Variants in CTNNA2 observed in about 807,000 individuals in gnomAD.
CTNNA2 encodes catenin alpha 2.
In CTNNA2, 42 loss-of-function variants were observed where a neutral mutation model predicts 101.0. That is an observed-to-expected ratio of 0.42 (90% CI 0.32 to 0.54). The LOEUF (loss-of-function observed/expected upper bound fraction) is 0.54, where lower values mean the gene tolerates loss of function less well. CTNNA2 is among the 20% of genes least tolerant of loss of function. The pLI, the probability that CTNNA2 is intolerant of heterozygous loss-of-function variation, is 0.14. For synonymous variants in CTNNA2, 450 were observed against 456.4 expected, an observed-to-expected ratio of 0.99 and a Z score of 0.18; for missense variants, 871 against 1,223.1, an observed-to-expected ratio of 0.71 and a Z score of 4.29.
At chr2:80,615,610 T>C (rs1252640692) in intron 17 of CTNNA2, among the ~76,000 whole-genome samples, 1 of 151,668 alleles carries the variant, frequency 6.6e-6, no homozygotes, top group East Asian at 1.9e-4. Context: ...AGAGTATCTG[T>C]TGATGGCTAT....
At chr2:79,702,212 A>T (rs921692026) in intron 2 of CTNNA2, among the ~76,000 whole-genome samples, 1 of 146,056 alleles carries the variant, frequency 6.8e-6, no homozygotes, top group Admixed American at 6.6e-5. Context: ...CTGCTTTTGT[A>T]TGGCCTGCCT....
chr2:80,228,156 ACT>A (rs1444984177), intron 7 of CTNNA2, among the ~76,000 whole-genome samples: 1 of 152,216 alleles, frequency 6.6e-6, no homozygotes, highest in Non-Finnish European at 1.5e-5. Context: ...TGTCAGTAAG[ACT>A]GGCCATTGCC....
intron 12 of CTNNA2, among the ~76,000 whole-genome samples, chr2:80,570,080 G>A (rs188378962): frequency 3.0e-4 from 45 of 152,134 alleles, no homozygotes; most frequent in Middle Eastern, 3.4e-3. Flanking sequence ...ACGGAGTCTC[G>A]CTCTGTTGCC....
chr2:80,423,192 A>C (rs1034577706), intron 9 of CTNNA2, among the ~76,000 whole-genome samples: 1 of 151,876 alleles, frequency 6.6e-6, no homozygotes, highest in East Asian at 1.9e-4. Flanking sequence ...CTCTCTTTAT[A>C]GTTCTTTTTG....
chr2:79,234,315 G>C (rs958623208), intron 2 of CTNNA2, among the ~76,000 whole-genome samples: 1 of 152,100 alleles, frequency 6.6e-6, no homozygotes, highest in African/African-American at 2.4e-5. Context: ...GGTGAGGTAT[G>C]ATAGTCTTGG....
At chr2:80,170,636 G>A (rs1486002727) in intron 7 of CTNNA2, among the ~76,000 whole-genome samples, 1 of 152,160 alleles carries the variant, frequency 6.6e-6, no homozygotes, top group Non-Finnish European at 1.5e-5. Flanking sequence ...CACATAGTAA[G>A]TGCTAAGTTA....
rs189509792 is a variant in CTNNA2, at chr2:80,087,797, T to C, written c.1056+178000T>C. On this transcript the variant is annotated intron_variant, in intron 7 of 18. Transcript: ENST00000402739. ...GCTGGTTTACAGCCCCCTCTTGGAGTAGCAAGGGAGCTGTCATAATTCCAG... is the reference window on the plus strand; with the variant it reads ...GCTGGTTTACAGCCCCCTCTTGGAGCAGCAAGGGAGCTGTCATAATTCCAG... 1.6e-3 allele frequency among the ~76,000 whole-genome samples: 243 copies of C among 152,058 alleles called. 1 individual carries two copies. The highest frequency in any genetic ancestry group is 0.01 in the Middle Eastern group (3 of 294).
At chr2:79,383,943 G>A (rs1678069032) in intron 4 of CTNNA2, among the ~76,000 whole-genome samples, 9 of 152,174 alleles carry the variant, frequency 5.9e-5, no homozygotes, top group Admixed American at 5.9e-4. Context: ...AAATAGGACA[G>A]AGAGGGAAAG....
intron 4 of CTNNA2, among the ~76,000 whole-genome samples, chr2:79,425,166 T>G (rs1429452222): frequency 6.6e-6 from 1 of 152,080 alleles, no homozygotes; most frequent in Non-Finnish European, 1.5e-5. Flanking sequence ...GAAAGAAAAT[T>G]TTTAAATGAA....
intron 1 of CTNNA2, among the ~76,000 whole-genome samples, chr2:79,599,885 G>T (rs1677439341): frequency 6.6e-6 from 1 of 152,136 alleles, no homozygotes; most frequent in African/African-American, 2.4e-5. Context: ...AGAGATATTG[G>T]TTGAATTCCT....
At chr2:79,319,307 G>A (rs913404267) in intron 3 of CTNNA2, among the ~76,000 whole-genome samples, 1 of 152,162 alleles carries the variant, frequency 6.6e-6, no homozygotes, top group East Asian at 1.9e-4. Flanking sequence ...AAGAGTATGA[G>A]TGCATTACCT....
chr2:80,569,280 T>C (rs577036300), intron 12 of CTNNA2, among the ~76,000 whole-genome samples: 1 of 152,286 alleles, frequency 6.6e-6, no homozygotes, highest in South Asian at 2.1e-4. Context: ...ATTTCATTAC[T>C]CCTAGGGATA....
At position 79,768,706 on chromosome 2, in the gene CTNNA2, G is replaced by C. The variant is rs1169791663; in HGVS notation, c.298+24124G>C. Among the ~76,000 whole-genome samples, 5 of 151,926 alleles carry C rather than the reference G, an allele frequency of 3.3e-5. No homozygotes were observed. The South Asian group carries it at 1.0e-3, about 32-fold the overall frequency. On this transcript the variant is annotated intron_variant, in intron 3 of 18. Transcript: ENST00000402739. ...AATGTTTAGGAGACAATATTCATTA[G>C]TACTGTTTCTAGGGGATTTATTAAA... is the stretch of plus-strand genomic sequence containing the variant.
intron 9 of CTNNA2, among the ~76,000 whole-genome samples, chr2:80,514,428 T>G (rs905687425): frequency 1.3e-5 from 2 of 152,138 alleles, no homozygotes; most frequent in African/African-American, 4.8e-5. Context: ...TTGTCCTGTG[T>G]GGTGGCCGCC....
chr2:80,507,504 T>C (rs979920310), intron 9 of CTNNA2, among the ~76,000 whole-genome samples: 1 of 152,228 alleles, frequency 6.6e-6, no homozygotes, highest in Non-Finnish European at 1.5e-5. Context: ...CTTTTAATTT[T>C]ATATTTGTGT....
At chr2:79,748,111 C>T (rs1238938891) in intron 3 of CTNNA2, among the ~76,000 whole-genome samples, 6 of 152,208 alleles carry the variant, frequency 3.9e-5, no homozygotes, top group Admixed American at 3.3e-4. Context: ...TATCTCCATT[C>T]TTTCCATTCT....
chr2:80,636,814 C>T (rs1558666773), intron 18 of CTNNA2, among the ~76,000 whole-genome samples: 1 of 152,108 alleles, frequency 6.6e-6, no homozygotes, highest in Non-Finnish European at 1.5e-5. Flanking sequence ...ATCAATATTC[C>T]TTACCAAGTC....
intron 6 of CTNNA2, among the ~76,000 whole-genome samples, chr2:79,875,600 A>G (rs1040873471): frequency 1.3e-5 from 2 of 152,196 alleles, no homozygotes; most frequent in African/African-American, 4.8e-5. Context: ...TTGGAGATGG[A>G]TGATATAACT....
intron 1 of CTNNA2, among the ~76,000 whole-genome samples, chr2:79,193,146 T>G (rs1350489320): frequency 6.6e-6 from 1 of 152,186 alleles, no homozygotes; most frequent in Non-Finnish European, 1.5e-5. Context: ...TTTAGCATAA[T>G]TTTGTGAGAT....
Sources: gnomAD v4.1 joint callset for allele counts (sites outside exome capture counted in the v4.1 genomes callset) on GRCh38, gnomAD v4.1.1 for gene constraint, MANE v1.5 for transcripts, NCBI Gene and HGNC (gene_info 2026-07-23, HGNC 2026-07-21) for gene names.